BAHCC1: variants seen among roughly 807,000 people sequenced by gnomAD.
BAHCC1 encodes BAH domain and coiled-coil containing 1.
In BAHCC1, 43 loss-of-function variants were observed where a neutral mutation model predicts 88.2. The observed-to-expected ratio is 0.49, with a 90% CI of 0.38 to 0.63. The LOEUF (loss-of-function observed/expected upper bound fraction) is 0.63, where lower values mean the gene tolerates loss of function less well. Among genes scored for constraint, BAHCC1 ranks in the 20% least tolerant of loss-of-function variants. The pLI is 0.00. For synonymous variants in BAHCC1, 1,510 were observed against 745.5 expected (o/e 2.03, Z -16.71); for missense variants, 3,023 against 1,654.8 (o/e 1.83, Z -14.34).
intron 2 of BAHCC1, among the ~76,000 whole-genome samples, chr17:81,425,642 TGTGG>T: frequency 6.8e-6 from 1 of 147,262 alleles, no homozygotes; most frequent in South Asian, 2.1e-4. Context: ...TTGGTGGTTA[TGTGG>T]TTGGTGGTGA....
At chr17:81,419,676 G>C (rs2064090455) in intron 2 of BAHCC1, among the ~76,000 whole-genome samples, 1 of 152,174 alleles carries the variant, frequency 6.6e-6, no homozygotes, top group South Asian at 2.1e-4. Flanking sequence ...CAGACTCGGA[G>C]CCGGGGAGGC....
chr17:81,456,798 G>T (rs953501161), intron 16 of BAHCC1, among the ~76,000 whole-genome samples: 11 of 152,136 alleles, frequency 7.2e-5, no homozygotes, highest in African/African-American at 2.7e-4. Context: ...GAGCTCAGTG[G>T]CTCAGCATGC....
At position 81,441,897 on chromosome 17, in the gene BAHCC1, G is replaced by C. The variant is rs990731433; in HGVS notation, c.548G>C (p.Ser183Thr). The change falls in exon 5 of 28, where the codon AGC becomes ACC. Residue 183 changes from serine to threonine, a missense_variant. Transcript: ENST00000675386. ...CTGCCGGCCAACCACAACTTCCCCA[G>C]CGTGGCCCGGGCCGCCCCTGCCCAC... ...TLLPANHNFP[S>T]VARAAPAHPM... 2 of 682,144 alleles carry C rather than the reference G, an allele frequency of 2.9e-6. No individual in the cohort carries two copies. The highest frequency in any genetic ancestry group is 5.4e-6 in the Non-Finnish European group (2 of 367,160). 42.3% of individuals were successfully genotyped at this position (682,144 alleles called of 1,614,324 possible).
chr17:81,430,536 C>T (rs2064248702), intron 3 of BAHCC1, among the ~76,000 whole-genome samples: 1 of 152,254 alleles, frequency 6.6e-6, no homozygotes, highest in South Asian at 2.1e-4. Flanking sequence ...CAGCTTCCTG[C>T]ATCCTGCCAG....
chr17:81,459,060 C>T lies in BAHCC1; in HGVS notation c.5612C>T (p.Ser1871Leu), dbSNP rs782788793. ...TGACACCTTGTGCCCACAGCGCGCT[C>T]GTGTGCCATCCACAAGGAGGACCTG... ...SAEQSAALAR[S>L]CAIHKEDLRD... The change falls in exon 21 of 28, where the codon TCG becomes TTG. Residue 1871 changes from serine to leucine, a missense_variant. By Grantham distance (145) the Ser-to-Leu change is moderately radical. Transcript: ENST00000675386. 8 of 761,080 alleles carry T rather than the reference C, an allele frequency of 1.1e-5. No homozygotes were observed. Among genetic ancestry groups the T allele is most frequent in the Admixed American group, 3.5e-5 (2 of 56,814 alleles). 47.1% of individuals were successfully genotyped at this position (761,080 alleles called of 1,614,324 possible).
rs781891890 is a variant in BAHCC1, at chr17:81,451,629, G to T, written c.3977-39G>T. On this transcript the variant is annotated intron_variant, in intron 11 of 27. Coordinates refer to ENST00000675386, the MANE Select transcript of BAHCC1 (RefSeq NM_001377448.1). ...CAAGAGCCTGTGAGGGGCAGTGTGTGCCCAGTTATGCCCATGCTGACCTTC... is the reference window on the plus strand; with the variant it reads ...CAAGAGCCTGTGAGGGGCAGTGTGTTCCCAGTTATGCCCATGCTGACCTTC... 1.2e-5 allele frequency: 9 copies of T among 754,156 alleles called. No individual in the cohort carries two copies. The African/African-American group carries it at 1.4e-4, about 11-fold the overall frequency. The allele number at this position is 754,156 out of a possible 1,614,324, so 46.7% of individuals were successfully genotyped here.
At position 81,461,727 on chromosome 17, in the gene BAHCC1, C is replaced by T. The variant is rs1555659507; in HGVS notation, c.7064C>T (p.Ala2355Val). The change falls in exon 26 of 28, where the codon GCT becomes GTT. Residue 2355 changes from alanine (A) to valine (V), a missense_variant. By Grantham distance (64) the Ala-to-Val change is moderately conservative. Coordinates refer to ENST00000675386, the MANE Select transcript of BAHCC1 (RefSeq NM_001377448.1). ...TACAGCTCAGACGACGAGGACCCGG[C>T]TCTGCTGCTGCAGACCTGCCTCACC... Reference protein sequence around the residue: ...SSYSSDDEDPALLLQTCLTHP... With the variant: ...SSYSSDDEDPVLLLQTCLTHP... 1.4e-6 allele frequency: 1 copy of T among 718,506 alleles called. No individual in the cohort carries two copies. Among genetic ancestry groups the T allele is most frequent in the East Asian group, 2.7e-5 (1 of 37,418 alleles). 44.5% of individuals were successfully genotyped at this position (718,506 alleles called of 1,614,324 possible). A position where few individuals can be genotyped will look rare whatever the true frequency, so the allele number is the denominator to read the frequency against.
chr17:81,451,892 C>G (rs1555655888), intron 12 of BAHCC1, 22 bp downstream of exon 12: 4 of 698,668 alleles, frequency 5.7e-6, no homozygotes, highest in Non-Finnish European at 1.0e-5. Context: ...TCCCAGTGCC[C>G]ACGTCGCCCA....
At chr17:81,441,065 C>T (rs1417627843) in intron 4 of BAHCC1, among the ~76,000 whole-genome samples, 2 of 151,826 alleles carry the variant, frequency 1.3e-5, no homozygotes, top group African/African-American at 2.4e-5. Flanking sequence ...GCCTGCCCCG[C>T]GTCCCCCGAA....
rs782348812 is a variant in BAHCC1, at chr17:81,458,878, C to T, written c.5514C>T (p.Asp1838=). 7 of 774,164 alleles carry T rather than the reference C, an allele frequency of 9.0e-6. No homozygotes were observed. The highest frequency in any genetic ancestry group is 7.3e-5 in the East Asian group (3 of 41,106). The allele number at this position is 774,164 out of a possible 1,614,324, so 48.0% of individuals were successfully genotyped here. A position where few individuals can be genotyped will look rare whatever the true frequency, so the allele number is the denominator to read the frequency against. ...CCGTGGAGGAAGACTTTGAGTTCGA[C>T]GACAACAGCAGCTTCTCGGAAGAGG... is the stretch of plus-strand genomic sequence containing the variant. The part of the protein sequence containing the change: ...SFAVEEDFEF[D]DNSSFSEEEE... The change falls in exon 20 of 28, where the codon GAC becomes GAT. Residue 1838 remains aspartate (D), a synonymous_variant. Transcript: ENST00000675386.
rs182603135 is a variant in BAHCC1, at chr17:81,463,865, G to A, written c.*48G>A. The A allele has an allele frequency of 6.6e-4, 459 of 695,406 alleles. 4 individuals carry two copies. The East Asian group carries it at 0.01, about 15-fold the overall frequency. 43.1% of individuals were successfully genotyped at this position (695,406 alleles called of 1,614,324 possible). On this transcript the variant is annotated 3_prime_UTR_variant, in exon 28 of 28. Coordinates refer to ENST00000675386, the MANE Select transcript of BAHCC1 (RefSeq NM_001377448.1). Reference sequence around the variant, plus strand: ...CACGTGCGCCAGGGACCCTGTGTGCGGAGCCTGGCGTCGGCCAAGCCACCG... The same window carrying A: ...CACGTGCGCCAGGGACCCTGTGTGCAGAGCCTGGCGTCGGCCAAGCCACCG...
At chr17:81,440,206 G>A (rs139515884) in intron 4 of BAHCC1, among the ~76,000 whole-genome samples, 3 of 152,302 alleles carry the variant, frequency 2.0e-5, no homozygotes, top group East Asian at 1.9e-4. Context: ...CAGCCCCAGC[G>A]CGTGCAGTTA....
At chr17:81,432,607 C>CCATCGCCG (rs2064276467) in intron 3 of BAHCC1, among the ~76,000 whole-genome samples, 1 of 131,254 alleles carries the variant, frequency 7.6e-6, no homozygotes, top group Non-Finnish European at 1.7e-5. Context: ...ACCCAACCTC[C>CCATCGCCG]GTCCCCAGCC....
Position 81,458,472 on chromosome 17 carries a change from G to A in BAHCC1, c.5343+6G>A, listed in dbSNP as rs782681175. On this transcript the variant is annotated splice_donor_region_variant and intron_variant, in intron 18 of 27. Coordinates refer to ENST00000675386, the MANE Select transcript of BAHCC1 (RefSeq NM_001377448.1). ...TGCTGCAGCCAGTGCTGCGGGTGAG[G>A]CTGGGCTCTGGGGTGCTGGGCGGAG... 64 of 701,960 alleles carry A rather than the reference G, an allele frequency of 9.1e-5. No individual in the cohort carries two copies. Among genetic ancestry groups the A allele is most frequent in the Non-Finnish European group, 1.1e-4 (42 of 380,786 alleles). 43.5% of individuals were successfully genotyped at this position (701,960 alleles called of 1,614,324 possible). A position where few individuals can be genotyped will look rare whatever the true frequency, so the allele number is the denominator to read the frequency against.
chr17:81,456,914 G>A (rs1300175544), intron 16 of BAHCC1, among the ~76,000 whole-genome samples: 2 of 148,788 alleles, frequency 1.3e-5, no homozygotes, highest in South Asian at 2.1e-4. Flanking sequence ...TGTAGCATCC[G>A]GCTGAGCTGA....
chr17:81,415,570 G>T (rs1555648511), intron 2 of BAHCC1: 1 of 514,936 alleles, frequency 1.9e-6, no homozygotes, highest in Middle Eastern at 3.2e-4. Flanking sequence ...ACCTGTGCTG[G>T]CCCCAGCCCC....
Position 81,451,681 on chromosome 17 carries a change from C to T in BAHCC1, c.3990C>T (p.Asp1330=), listed in dbSNP as rs61746085. ...SERTVPEEEE[D]VLAFNLQHLA... ...CATGCCGCACAGAGGAGGAAGAGGA[C>T]GTGCTAGCCTTCAACCTGCAGCACC... The change falls in exon 12 of 28, where the codon GAC becomes GAT. Residue 1330 remains aspartate, a synonymous_variant. Coordinates refer to ENST00000675386, the MANE Select transcript of BAHCC1 (RefSeq NM_001377448.1). 75 of 776,336 alleles carry T rather than the reference C, an allele frequency of 9.7e-5. No homozygotes were observed. The highest frequency in any genetic ancestry group is 2.2e-4 in the Middle Eastern group (1 of 4,448). 48.1% of individuals were successfully genotyped at this position (776,336 alleles called of 1,614,324 possible). A position where few individuals can be genotyped will look rare whatever the true frequency, so the allele number is the denominator to read the frequency against.
chr17:81,460,592 A>G lies in BAHCC1; in HGVS notation c.6088A>G (p.Ser2030Gly), dbSNP rs1555658879. ...SSCRRTKKVS[S>G]EAPPPSEAAT... The stretch of plus-strand genomic sequence containing the variant: ...CTGCCGGAGGACCAAGAAGGTATCC[A>G]GTGAGGCACCCCCGCCTAGTGAAGC... Residue 2030 changes from serine (S) to glycine (G), a missense_variant, in exon 25 of 28, where the codon AGT (serine) becomes GGT (glycine). By Grantham distance (56) the Ser-to-Gly change is moderately conservative. Transcript: ENST00000675386. 4 of 770,086 alleles carry G rather than the reference A, an allele frequency of 5.2e-6. No homozygotes were observed. The highest frequency in any genetic ancestry group is 9.7e-6 in the Non-Finnish European group (4 of 413,678). 47.7% of individuals were successfully genotyped at this position (770,086 alleles called of 1,614,324 possible). A position where few individuals can be genotyped will look rare whatever the true frequency, so the allele number is the denominator to read the frequency against.
chr17:81,456,611 T>C, intron 16 of BAHCC1, 26 bp downstream of exon 16: 2 of 683,488 alleles, frequency 2.9e-6, no homozygotes, highest in Non-Finnish European at 5.4e-6. Flanking sequence ...GAGTGGCCAC[T>C]GCCAGGAGCC....
Sources: gnomAD v4.1 joint callset for allele counts (sites outside exome capture counted in the v4.1 genomes callset) on GRCh38, gnomAD v4.1.1 for gene constraint, MANE v1.5 for transcripts, NCBI Gene and HGNC (gene_info 2026-07-23, HGNC 2026-07-21) for gene names.